The following URB2 variants were observed in gnomAD, a reference collection of about 807,000 sequenced individuals.
URB2 encodes URB2 ribosome biogenesis homolog.
URB2 carries 86 observed loss-of-function variants against 120.9 expected under a neutral mutation model. The ratio of observed to expected loss-of-function variants is 0.71; its 90% CI spans 0.60 to 0.85. The LOEUF is 0.85. Ranked by LOEUF, URB2 falls within the 40% of genes least tolerant of loss-of-function variation. The probability of loss-of-function intolerance (pLI) is 0.00; values close to 1 mark genes in which losing one functional copy is unlikely to be tolerated. For synonymous variants in URB2, 755 were observed against 758.4 expected (o/e 1.00, Z 0.07); for missense variants, 1,765 against 1,836.5 (o/e 0.96, Z 0.71).
At chr1:229,651,205 A>G (rs752374115) in intron 7 of URB2, 30 bp from the exon 8 acceptor site, 1 of 1,575,612 alleles carries the variant, frequency 6.3e-7, no homozygotes. Context: ...TCACGTATGT[A>G]CTTTTACATT....
intron 4 of URB2, among the ~76,000 whole-genome samples, chr1:229,641,390 C>T (rs552237016): frequency 6.6e-6 from 1 of 152,130 alleles, no homozygotes; most frequent in Non-Finnish European, 1.5e-5. Context: ...CAGAGCACCT[C>T]GGTCACAGTG....
chr1:229,637,191 G>A lies in URB2; in HGVS notation c.2578G>A (p.Gly860Arg). ...TTGGGAAAACAGATTTGCAAAAGCT[G>A]GACCCGAAGGTATAGAACCTAGAGG... Reference protein sequence around the residue: ...GHWENRFAKAGPEGIEPRGEI... With the variant: ...GHWENRFAKARPEGIEPRGEI... Residue 860 changes from glycine to arginine, a missense_variant, in exon 4 of 10, where the codon GGA becomes AGA. Transcript: ENST00000258243. 6.2e-7 allele frequency: 1 copy of A among 1,613,798 alleles called. No homozygotes were observed. Among genetic ancestry groups the A allele is most frequent in the Non-Finnish European group, 8.5e-7 (1 of 1,179,768 alleles).
rs974530110 is a variant in URB2, at chr1:229,659,938, T to G, written c.*641T>G. ...AGCTCTGTGAAGTTCATTTAGGAAT[T>G]TTTTTTTCCTATGCAGTTTAAGAAA... On this transcript the variant is annotated 3_prime_UTR_variant, in exon 10 of 10. Transcript: ENST00000258243. The G allele has an allele frequency of 1.7e-5, 1 of 59,178 alleles. No individual in the cohort carries two copies. The highest frequency in any genetic ancestry group is 1.6e-4 in the Admixed American group (1 of 6,066). 3.7% of individuals were successfully genotyped at this position (59,178 alleles called of 1,614,324 possible).
At chr1:229,647,275 T>C (rs1434099820) in intron 6 of URB2, among the ~76,000 whole-genome samples, 1 of 152,176 alleles carries the variant, frequency 6.6e-6, no homozygotes, top group African/African-American at 2.4e-5. Context: ...AGGTAAGACT[T>C]TGAGCTGTCC....
intron 2 of URB2, among the ~76,000 whole-genome samples, chr1:229,630,995 A>AC (rs1015414602): frequency 1.4e-4 from 21 of 151,482 alleles, no homozygotes; most frequent in African/African-American, 5.1e-4. Flanking sequence ...AAAAAAAAAA[A>AC]AAAAAAAAAA....
At position 229,632,480 on chromosome 1, in the gene URB2, C is replaced by A; in HGVS notation, c.303+35C>A. On this transcript the variant is annotated intron_variant, in intron 3 of 9. Coordinates refer to ENST00000258243, the MANE Select transcript of URB2 (RefSeq NM_014777.4). Reference sequence around the variant, plus strand: ...TTTTCTGTTCTGTATGTGTTGCATGCATCTCCATTGATTTCTTGTTAATGC... The same window carrying A: ...TTTTCTGTTCTGTATGTGTTGCATGAATCTCCATTGATTTCTTGTTAATGC... The A allele has an allele frequency of 2.0e-6, 3 of 1,484,064 alleles. No individual in the cohort carries two copies. In the South Asian group the frequency reaches 4.4e-5, roughly 22 times the overall value. 91.9% of individuals were successfully genotyped at this position (1,484,064 alleles called of 1,614,324 possible). A position where few individuals can be genotyped will look rare whatever the true frequency, so the allele number is the denominator to read the frequency against.
At position 229,636,965 on chromosome 1, in the gene URB2, A is replaced by G. The variant is rs569642474; in HGVS notation, c.2352A>G (p.Ala784=). ...KAQEVSIDEE[A]YITLEKISKA... The stretch of plus-strand genomic sequence containing the variant: ...AGGAAGTCTCAATAGATGAAGAGGC[A>G]TACATCACACTGGAAAAAATATCCA... Residue 784 remains alanine (A), a synonymous_variant, in exon 4 of 10, where the codon GCA becomes GCG. Coordinates refer to ENST00000258243, the MANE Select transcript of URB2 (RefSeq NM_014777.4). The G allele has an allele frequency of 8.1e-6, 13 of 1,614,028 alleles. No homozygotes were observed. Among genetic ancestry groups the G allele is most frequent in the Middle Eastern group, 1.6e-4 (1 of 6,084 alleles).
chr1:229,653,107 AAC>A (rs1488280236), intron 8 of URB2, among the ~76,000 whole-genome samples: 2 of 152,260 alleles, frequency 1.3e-5, no homozygotes, highest in Non-Finnish European at 2.9e-5. Context: ...AAAGAGAAGA[AAC>A]AGTCAATGTT....
At chr1:229,632,516 T>C in intron 3 of URB2, 71 bp downstream of exon 3, 1 of 1,337,370 alleles carries the variant, frequency 7.5e-7, no homozygotes, top group Non-Finnish European at 9.9e-7. Flanking sequence ...TGGAAACTTG[T>C]TTTAGTGTCA....
chr1:229,634,956 T>C lies in URB2; in HGVS notation c.343T>C (p.Ser115Pro), dbSNP rs1665755761. ...AGTAGCTGAGTTCTCTCTTTCGGGA[T>C]CCCAAAGAAACATCTGTGCTGTCCT... ...ERVAEFSLSG[S>P]QRNICAVLRC... The change falls in exon 4 of 10, where the codon TCC becomes CCC. Residue 115 changes from serine to proline, a missense_variant. Coordinates refer to ENST00000258243, the MANE Select transcript of URB2 (RefSeq NM_014777.4). 9.7e-6 allele frequency: 15 copies of C among 1,547,634 alleles called. No individual in the cohort carries two copies. The highest frequency in any genetic ancestry group is 1.2e-5 in the Non-Finnish European group (14 of 1,147,414).
At chr1:229,656,749 C>T (rs537931606) in intron 9 of URB2, among the ~76,000 whole-genome samples, 4 of 152,262 alleles carry the variant, frequency 2.6e-5, no homozygotes, top group African/African-American at 9.6e-5. Flanking sequence ...AGGGGCAGCT[C>T]CAGAGGCCCG....
chr1:229,645,119 T>C (rs1435156945), intron 5 of URB2, among the ~76,000 whole-genome samples: 3 of 152,006 alleles, frequency 2.0e-5, no homozygotes, highest in African/African-American at 7.3e-5. Flanking sequence ...ACCCCGTCCC[T>C]GCTAAAAATA....
At chr1:229,630,511 T>A (rs1030027380) in intron 2 of URB2, among the ~76,000 whole-genome samples, 1 of 152,334 alleles carries the variant, frequency 6.6e-6, no homozygotes, top group East Asian at 1.9e-4. Context: ...CAGGCTTTGT[T>A]TTTCCATTGA....
At chr1:229,655,108 C>T (rs987820362) in intron 9 of URB2, among the ~76,000 whole-genome samples, 2 of 152,200 alleles carry the variant, frequency 1.3e-5, no homozygotes, top group Non-Finnish European at 2.9e-5. Flanking sequence ...TGCTCTCAGA[C>T]ACTCAAAGTC....
intron 4 of URB2, among the ~76,000 whole-genome samples, chr1:229,640,175 C>T (rs1271078316): frequency 6.6e-6 from 1 of 152,104 alleles, no homozygotes; most frequent in Non-Finnish European, 1.5e-5. Context: ...TTATTTTGTA[C>T]ACTTTAATGT....
At chr1:229,655,464 C>T (rs1251303136) in intron 9 of URB2, among the ~76,000 whole-genome samples, 1 of 152,160 alleles carries the variant, frequency 6.6e-6, no homozygotes, top group African/African-American at 2.4e-5. Flanking sequence ...AAACTCCTGA[C>T]CTCAGGTAAT....
Position 229,635,636 on chromosome 1 carries a change from G to C in URB2, c.1023G>C (p.Gln341His). ...GCTGCTTGAAGATTTCACACCTGCA[G>C]GAGGAGCAGAGCAAAGCCCTGTCCA... is the stretch of plus-strand genomic sequence containing the variant. Reference protein sequence around the residue: ...LFGCLKISHLQEEQSKALSTS... With the variant: ...LFGCLKISHLHEEQSKALSTS... Residue 341 changes from glutamine (Q) to histidine (H), a missense_variant, in exon 4 of 10, where the codon CAG (glutamine) becomes CAC (histidine). By Grantham distance (24) the Gln-to-His change is conservative. Transcript: ENST00000258243. 1 of 1,614,104 alleles carries C rather than the reference G, an allele frequency of 6.2e-7. No individual in the cohort carries two copies.
chr1:229,636,659 G>T lies in URB2; in HGVS notation c.2046G>T (p.Met682Ile). The T allele has an allele frequency of 6.2e-7, 1 of 1,614,202 alleles. No individual in the cohort carries two copies. Among genetic ancestry groups the T allele is most frequent in the South Asian group, 1.1e-5 (1 of 91,058 alleles). The change falls in exon 4 of 10, where the codon ATG (methionine) becomes ATT (isoleucine). Residue 682 changes from methionine (M) to isoleucine (I), a missense_variant. Met to Ile is a conservative substitution (Grantham distance 10). Transcript: ENST00000258243. ...YCLEQLYLQK[M>I]KRTLMQTSFR... The stretch of plus-strand genomic sequence containing the variant: ...TAGAACAGCTGTACCTGCAGAAAAT[G>T]AAAAGGACTTTAATGCAAACTAGTT...
intron 7 of URB2, chr1:229,650,846 A>G (rs61825538): frequency 0.098 from 14,777 of 151,314 alleles, 963 homozygotes; most frequent in Non-Finnish European, 0.14. Context: ...TTTTTTTTGT[A>G]CCAATGATAC....
Sources: gnomAD v4.1 joint callset for allele counts (sites outside exome capture counted in the v4.1 genomes callset) on GRCh38, gnomAD v4.1.1 for gene constraint, MANE v1.5 for transcripts, NCBI Gene and HGNC (gene_info 2026-07-23, HGNC 2026-07-21) for gene names.